Variants in NOTCH2NLB observed in about 807,000 individuals in gnomAD.
NOTCH2NLB encodes notch 2 N-terminal like B, also known as notch homolog 2 N-terminal-like protein B.
NOTCH2NLB carries 1 observed loss-of-function variant against 14.8 expected under a neutral mutation model. The observed-to-expected ratio is 0.07, with a 90% CI of 0.02 to 0.32. NOTCH2NLB has a LOEUF of 0.32. Among genes scored for constraint, NOTCH2NLB ranks in the 10% least tolerant of loss-of-function variants. The pLI is 1.00. For missense variants in NOTCH2NLB, 11 were observed against 155.0 expected (o/e 0.07, Z 4.93); for synonymous variants, 6 against 57.5 (o/e 0.10, Z 4.05).
intron 1 of NOTCH2NLB, among the ~76,000 whole-genome samples, chr1:148,645,610 A>C (rs1218669194): frequency 6.8e-6 from 1 of 147,834 alleles, no homozygotes; most frequent in Non-Finnish European, 1.5e-5. Context: ...TCGTCATTGA[A>C]CTCAGTTCCA....
At chr1:148,712,234 CA>C in the NOTCH2NLB span, among the ~76,000 whole-genome samples, 2 of 117,576 alleles carry the variant, frequency 1.7e-5, no homozygotes, top group Non-Finnish European at 3.5e-5. Flanking sequence ...GGTGCAGAAC[CA>C]AAGTTGGATC....
chr1:148,607,935 C>T (rs1204537239), intron 3 of NOTCH2NLB, among the ~76,000 whole-genome samples, 190 bp from the exon 4 acceptor site: 1 of 139,300 alleles, frequency 7.2e-6, no homozygotes, highest in Non-Finnish European at 1.5e-5. Flanking sequence ...CTCCAAGGAC[C>T]TCAGCAGAGA....
the NOTCH2NLB span, among the ~76,000 whole-genome samples, chr1:148,703,420 G>T: frequency 1.8e-5 from 1 of 54,832 alleles, no homozygotes; most frequent in Non-Finnish European, 3.7e-5. Flanking sequence ...GAAACCTAAG[G>T]AAATCTATTA....
chr1:148,638,148 G>A (rs1664257485), intron 2 of NOTCH2NLB, among the ~76,000 whole-genome samples: 1 of 148,304 alleles, frequency 6.7e-6, no homozygotes, highest in Non-Finnish European at 1.5e-5. Context: ...TCTGGTTCTA[G>A]ATCCTTGAGG....
At chr1:148,604,664 GAC>G (rs1663449760), downstream of NOTCH2NLB, among the ~76,000 whole-genome samples, 1 of 139,914 alleles carries the variant, frequency 7.1e-6, no homozygotes, top group Non-Finnish European at 1.6e-5. Context: ...TTATGAAAAG[GAC>G]TTTTTAAAAG....
chr1:148,603,863 TACTC>T (rs1454655704), downstream of NOTCH2NLB, among the ~76,000 whole-genome samples: 1 of 134,472 alleles, frequency 7.4e-6, no homozygotes, highest in African/African-American at 3.0e-5. Flanking sequence ...AATACTAAAA[TACTC>T]ACAGTGACTA....
At chr1:148,651,144 G>GGAAAAA (rs1225742292) in intron 1 of NOTCH2NLB, among the ~76,000 whole-genome samples, 3 of 76,502 alleles carry the variant, frequency 3.9e-5, no homozygotes, top group East Asian at 5.2e-4. Flanking sequence ...CTCTGCCTGA[G>GGAAAAA]AAAAAAAAAA....
the NOTCH2NLB span, among the ~76,000 whole-genome samples, chr1:148,712,331 C>CAAG: frequency 4.1e-4 from 58 of 142,440 alleles, no homozygotes; most frequent in African/African-American, 1.4e-3. Context: ...AACAAGCCAA[C>CAAG]TCCAAACAGG....
chr1:148,651,161 AAATATATAT>A (rs1256953849), intron 1 of NOTCH2NLB, among the ~76,000 whole-genome samples: 58 of 40,534 alleles, frequency 1.4e-3, no homozygotes, highest in African/African-American at 2.3e-3. Context: ...AAAAAAAAAA[AAATATATAT>A]ATATATATAT....
intron 3 of NOTCH2NLB, among the ~76,000 whole-genome samples, chr1:148,610,059 G>T (rs1194407524): frequency 1.4e-5 from 2 of 142,950 alleles, no homozygotes; most frequent in Non-Finnish European, 3.0e-5. Context: ...AGGCTGAGGT[G>T]GGCAGATCAC....
the NOTCH2NLB span, among the ~76,000 whole-genome samples, chr1:148,694,409 TAGTAA>T: frequency 1.2e-5 from 1 of 85,146 alleles, no homozygotes; most frequent in Non-Finnish European, 2.6e-5. Context: ...AAAGACGCAG[TAGTAA>T]ATTCTTAATG....
intron 1 of NOTCH2NLB, among the ~76,000 whole-genome samples, chr1:148,670,359 C>T (rs1178667645): frequency 0.027 from 3,874 of 143,012 alleles, 72 homozygotes; most frequent in African/African-American, 0.091. Flanking sequence ...GCAATACAAA[C>T]GCCACTGATG....
chr1:148,705,518 T>TGCCAGTA, the NOTCH2NLB span, among the ~76,000 whole-genome samples: 1 of 27,402 alleles, frequency 3.6e-5, no homozygotes, highest in South Asian at 1.4e-3. Context: ...TGGGTGGTGA[T>TGCCAGTA]GCCAGTAATC....
At chr1:148,649,657 C>T (rs1240419737) in intron 1 of NOTCH2NLB, among the ~76,000 whole-genome samples, 20 of 151,840 alleles carry the variant, frequency 1.3e-4, no homozygotes, top group Non-Finnish European at 2.4e-4. Context: ...ACTATAGGTG[C>T]CCGCCACCAC....
Position 148,658,550 on chromosome 1 carries a change from C to CTTTTTTTTTTTTTTTT in NOTCH2NLB, c.4-18477_4-18462dup, listed in dbSNP as rs1194273075. ...TTGCAATTAGACAGGCCCAATACCA[C>CTTTTTTTTTTTTTTTT]TTTTTTTTTTTTTTTTTTTTTTTTT... is the stretch of plus-strand genomic sequence containing the variant. On this transcript the variant is annotated intron_variant, in intron 1 of 4. Transcript: ENST00000593495. Among the ~76,000 whole-genome samples the CTTTTTTTTTTTTTTTT allele has an allele frequency of 5.2e-4, 20 of 38,588 alleles. 3 individuals are homozygous for CTTTTTTTTTTTTTTTT. Among genetic ancestry groups the CTTTTTTTTTTTTTTTT allele is most frequent in the South Asian group, 1.3e-3 (1 of 756 alleles). 25.3% of individuals were successfully genotyped at this position (38,588 alleles called of 152,430 possible).
At chr1:148,649,702 C>T (rs2149623840) in intron 1 of NOTCH2NLB, among the ~76,000 whole-genome samples, 1 of 148,608 alleles carries the variant, frequency 6.7e-6, no homozygotes, top group East Asian at 2.0e-4. Context: ...TTAGTAGAGA[C>T]AGGGTTTCAC....
chr1:148,703,142 T>A, the NOTCH2NLB span, among the ~76,000 whole-genome samples: 1 of 31,970 alleles, frequency 3.1e-5, no homozygotes, highest in African/African-American at 1.1e-4. Context: ...TACAAAAAAT[T>A]AGCCGGGCAT....
intron 2 of NOTCH2NLB, among the ~76,000 whole-genome samples, chr1:148,631,193 C>G (rs1664099160): frequency 1.5e-5 from 2 of 134,748 alleles, no homozygotes; most frequent in Admixed American, 1.4e-4. Flanking sequence ...TAACACCTAC[C>G]TTTCTCCTCA....
At chr1:148,637,366 C>A (rs1664228273) in intron 2 of NOTCH2NLB, among the ~76,000 whole-genome samples, 1 of 135,220 alleles carries the variant, frequency 7.4e-6, no homozygotes, top group African/African-American at 3.0e-5. Flanking sequence ...CCAACAGTGA[C>A]CCTTAGGTGT....
Sources: gnomAD v4.1 joint callset for allele counts (sites outside exome capture counted in the v4.1 genomes callset) on GRCh38, gnomAD v4.1.1 for gene constraint, MANE v1.5 for transcripts, NCBI Gene and HGNC (gene_info 2026-07-23, HGNC 2026-07-21) for gene names.